PPP4R3B: variants seen among roughly 807,000 people sequenced by gnomAD.
PPP4R3B encodes the protein serine/threonine-protein phosphatase 4 regulatory subunit 3B.
In PPP4R3B, 52 loss-of-function variants were observed where a neutral mutation model predicts 95.4. The observed-to-expected ratio is 0.54, with a 90% CI of 0.44 to 0.69. The LOEUF (loss-of-function observed/expected upper bound fraction) is 0.69, where lower values mean the gene tolerates loss of function less well. Ranked by LOEUF, PPP4R3B falls within the 30% of genes least tolerant of loss-of-function variation. The pLI, the probability that PPP4R3B is intolerant of heterozygous loss-of-function variation, is 0.00. For synonymous variants in PPP4R3B, 407 were observed against 343.9 expected, an observed-to-expected ratio of 1.18 and a Z score of -2.03; for missense variants, 1,003 against 1,005.9, an observed-to-expected ratio of 1.00 and a Z score of 0.04.
intron 16 of PPP4R3B, among the ~76,000 whole-genome samples, chr2:55,553,110 A>G (rs1685434712): frequency 6.6e-6 from 1 of 152,242 alleles, no homozygotes; most frequent in Admixed American, 6.5e-5. Flanking sequence ...TCTATAAAGA[A>G]TAAATTCTAT....
At chr2:55,554,226 A>G (rs1685572546) in intron 16 of PPP4R3B, among the ~76,000 whole-genome samples, 1 of 152,116 alleles carries the variant, frequency 6.6e-6, no homozygotes, top group East Asian at 1.9e-4. Context: ...CACCATGTCC[A>G]GCTAATTTTT....
intron 4 of PPP4R3B, among the ~76,000 whole-genome samples, chr2:55,594,767 C>G (rs1691535246): frequency 6.6e-6 from 1 of 152,074 alleles, no homozygotes; most frequent in East Asian, 1.9e-4. Flanking sequence ...TTGTATACTA[C>G]AGTTTAAAAA....
At position 55,603,827 on chromosome 2, in the gene PPP4R3B, T is replaced by C. The variant is rs563823685; in HGVS notation, c.297+151A>G. 7.4e-4 allele frequency: 365 copies of C among 492,754 alleles called. 5 individuals are homozygous for C. The South Asian group carries it at 0.017, about 22-fold the overall frequency. The allele number at this position is 492,754 out of a possible 1,614,324, so 30.5% of individuals were successfully genotyped here. On this transcript the variant is annotated intron_variant, in intron 3 of 16. Coordinates refer to ENST00000616407, the MANE Select transcript of PPP4R3B (RefSeq NM_001122964.3). ...TTAAAAAACTTAAAGTAAAATAATT[T>C]GCCGTAGAATATAAAAAATTTCAAG... is the stretch of plus-strand genomic sequence containing the variant.
chr2:55,556,405 A>G (rs149099541), intron 16 of PPP4R3B, among the ~76,000 whole-genome samples: 85 of 152,348 alleles, frequency 5.6e-4, no homozygotes, highest in African/African-American at 1.9e-3. Context: ...AAAAACTCAG[A>G]GAAATATAAC....
chr2:55,599,429 C>T (rs1185261866), intron 3 of PPP4R3B, among the ~76,000 whole-genome samples: 1 of 152,014 alleles, frequency 6.6e-6, no homozygotes, highest in African/African-American at 2.4e-5. Context: ...CAAAGCAAGA[C>T]TCTGTCTCAA....
Position 55,617,539 on chromosome 2 carries a change from C to T in PPP4R3B, c.-254G>A. On this transcript the variant is annotated 5_prime_UTR_variant, in exon 1 of 17. Coordinates refer to ENST00000616407, the MANE Select transcript of PPP4R3B (RefSeq NM_001122964.3). ...ACCCACTCTCCCGTCTCTTTGCCCCCCAGGGCTCGCTTGCTCTCCCGCCGC... is the reference window on the plus strand; with the variant it reads ...ACCCACTCTCCCGTCTCTTTGCCCCTCAGGGCTCGCTTGCTCTCCCGCCGC... 2.5e-6 allele frequency: 1 copy of T among 392,790 alleles called. No homozygotes were observed. Among genetic ancestry groups the T allele is most frequent in the Non-Finnish European group, 4.6e-6 (1 of 218,764 alleles). 24.3% of individuals were successfully genotyped at this position (392,790 alleles called of 1,614,324 possible). A position where few individuals can be genotyped will look rare whatever the true frequency, so the allele number is the denominator to read the frequency against.
Position 55,578,272 on chromosome 2 carries a change from AGAATGG to A in PPP4R3B, c.1533_1538del (p.His512_Ser513del). The A allele has an allele frequency of 1.4e-6, 2 of 1,481,322 alleles. No homozygotes were observed. Among genetic ancestry groups the A allele is most frequent in the East Asian group, 2.6e-5 (1 of 38,856 alleles). 91.8% of individuals were successfully genotyped at this position (1,481,322 alleles called of 1,614,324 possible). A position where few individuals can be genotyped will look rare whatever the true frequency, so the allele number is the denominator to read the frequency against. Reference sequence around the variant, plus strand: ...CTTGAGAGATGGAGGAAGAGGGGGTAGAATGGGAATGGGAATGTGAAGGGGTACATA... The same window carrying A: ...CTTGAGAGATGGAGGAAGAGGGGGTAGAATGGGAATGTGAAGGGGTACATA... On this transcript the variant is annotated inframe_deletion, in exon 10 of 17. Transcript: ENST00000616407.
intron 7 of PPP4R3B, among the ~76,000 whole-genome samples, chr2:55,583,186 T>TAGG: frequency 6.6e-6 from 1 of 152,276 alleles, no homozygotes; most frequent in African/African-American, 2.4e-5. Context: ...GTTTCCTTCC[T>TAGG]AAAGGTCACC....
intron 4 of PPP4R3B, among the ~76,000 whole-genome samples, chr2:55,594,306 A>T (rs998238184): frequency 1.8e-4 from 28 of 151,480 alleles, no homozygotes; most frequent in Non-Finnish European, 3.2e-4. Flanking sequence ...CTAAAATAAA[A>T]AAAAAAAAAA....
chr2:55,607,166 C>T (rs779147654), intron 2 of PPP4R3B, among the ~76,000 whole-genome samples: 7 of 152,218 alleles, frequency 4.6e-5, no homozygotes, highest in Non-Finnish European at 1.0e-4. Flanking sequence ...TATCACAACA[C>T]AAATCACTGC....
intron 12 of PPP4R3B, 37 bp downstream of exon 12, chr2:55,573,582 A>T (rs1201014477): frequency 6.6e-7 from 1 of 1,509,514 alleles, no homozygotes; most frequent in South Asian, 1.3e-5. Flanking sequence ...TTTTATCTCT[A>T]TTAAAAATGT....
intron 4 of PPP4R3B, among the ~76,000 whole-genome samples, chr2:55,597,806 A>G (rs1054672198): frequency 6.6e-6 from 1 of 152,166 alleles, no homozygotes; most frequent in Non-Finnish European, 1.5e-5. Flanking sequence ...CATCTCAAAA[A>G]ATAAATAAAT....
intron 2 of PPP4R3B, chr2:55,614,067 A>G (rs1019564333): frequency 1.3e-5 from 2 of 152,192 alleles, no homozygotes; most frequent in African/African-American, 4.8e-5. Flanking sequence ...CTAAACAGAG[A>G]AAAAAGCTAT....
At chr2:55,589,068 G>C (rs954219690) in intron 4 of PPP4R3B, 112 bp from the exon 5 acceptor site, 50 of 658,140 alleles carry the variant, frequency 7.6e-5, no homozygotes, top group Non-Finnish European at 1.0e-4. Context: ...TTTTCATCAT[G>C]AAACCTAATA....
At chr2:55,563,017 AT>A (rs1482594241) in intron 15 of PPP4R3B, among the ~76,000 whole-genome samples, 2 of 152,134 alleles carry the variant, frequency 1.3e-5, no homozygotes, top group African/African-American at 4.8e-5. Flanking sequence ...TCTGGTTATT[AT>A]TTTTATATAT....
intron 9 of PPP4R3B, among the ~76,000 whole-genome samples, chr2:55,579,315 T>C (rs1689120144): frequency 6.6e-6 from 1 of 152,122 alleles, no homozygotes; most frequent in Non-Finnish European, 1.5e-5. Context: ...TTCTACTCAT[T>C]CTAGATATCG....
At chr2:55,598,172 A>G (rs1692061003) in intron 4 of PPP4R3B, among the ~76,000 whole-genome samples, 1 of 152,204 alleles carries the variant, frequency 6.6e-6, no homozygotes, top group African/African-American at 2.4e-5. Flanking sequence ...GTGAGCTGAG[A>G]TTGCGCCACT....
At chr2:55,572,077 T>G (rs1374108992) in intron 12 of PPP4R3B, among the ~76,000 whole-genome samples, 1 of 152,230 alleles carries the variant, frequency 6.6e-6, no homozygotes, top group Non-Finnish European at 1.5e-5. Flanking sequence ...CTGTTGGCTA[T>G]GTATCTAGGA....
intron 4 of PPP4R3B, among the ~76,000 whole-genome samples, chr2:55,591,333 G>A (rs1690994909): frequency 6.6e-6 from 1 of 151,270 alleles, no homozygotes; most frequent in South Asian, 2.1e-4. Flanking sequence ...ACAGATGGGG[G>A]GGTTTCACTT....
Sources: allele counts gnomAD v4.1 joint callset (sites outside exome capture counted in the v4.1 genomes callset), GRCh38; gene constraint gnomAD v4.1.1; transcripts MANE v1.5; gene names NCBI Gene and HGNC (gene_info 2026-07-23, HGNC 2026-07-21).